TMEM108: variants seen among roughly 807,000 people sequenced by gnomAD.
TMEM108 encodes the protein transmembrane protein 108.
A neutral mutation model predicts 35.1 loss-of-function variants in TMEM108; 12 were observed. The ratio of observed to expected loss-of-function variants is 0.34; its 90% CI spans 0.22 to 0.55. The LOEUF is 0.55. Ranked by LOEUF, TMEM108 falls within the 20% of genes least tolerant of loss-of-function variation. The probability of loss-of-function intolerance (pLI) is 0.89; values close to 1 mark genes in which losing one functional copy is unlikely to be tolerated. For missense variants in TMEM108, 680 were observed against 753.3 expected (o/e 0.90, Z 1.14); for synonymous variants, 287 against 308.6 (o/e 0.93, Z 0.73).
At chr3:133,386,443 G>A in intron 4 of TMEM108, 1 of 1,536,134 alleles carries the variant, frequency 6.5e-7, no homozygotes, top group Non-Finnish European at 8.7e-7. Flanking sequence ...TCACCTGAAA[G>A]CATGCCCTTC....
At position 133,105,276 on chromosome 3, in the gene TMEM108, C is replaced by T. The variant is rs187126193; in HGVS notation, c.-47+59256C>T. Among the ~76,000 whole-genome samples the T allele has an allele frequency of 4.4e-3, 667 of 152,278 alleles. 11 individuals carry two copies. Among genetic ancestry groups the T allele is most frequent in the East Asian group, 0.031 (160 of 5,180 alleles). ...AGCTGGCTGTCAGCGGCAGGTCATT[C>T]TCAGCTTCTAGAGGCTGTCCATGTT... On this transcript the variant is annotated intron_variant, in intron 2 of 5. Transcript: ENST00000321871.
At chr3:133,170,242 CCATAATATTCA>C (rs1945110081) in intron 2 of TMEM108, among the ~76,000 whole-genome samples, 1 of 152,004 alleles carries the variant, frequency 6.6e-6, no homozygotes, top group African/African-American at 2.4e-5. Context: ...ACTAATATTC[CCATAATATTCA>C]CATTGTCCAC....
chr3:133,158,903 G>A (rs898086183), intron 2 of TMEM108, among the ~76,000 whole-genome samples: 3 of 152,184 alleles, frequency 2.0e-5, no homozygotes, highest in African/African-American at 7.2e-5. Context: ...TTGTGAACAG[G>A]TGGCTAACAC....
At chr3:133,087,082 G>A (rs895282051) in intron 2 of TMEM108, among the ~76,000 whole-genome samples, 8 of 152,174 alleles carry the variant, frequency 5.3e-5, no homozygotes, top group African/African-American at 1.7e-4. Flanking sequence ...TCACTCAGGG[G>A]TAGCCACCAG....
chr3:133,345,223 C>G (rs79217000), intron 3 of TMEM108, among the ~76,000 whole-genome samples: 1,936 of 151,812 alleles, frequency 0.013, 45 homozygotes, highest in African/African-American at 0.043. Flanking sequence ...ACATCAAGAT[C>G]AAATGAAGTT....
chr3:133,345,089 A>G (rs1293593017), intron 3 of TMEM108, among the ~76,000 whole-genome samples: 1 of 151,872 alleles, frequency 6.6e-6, no homozygotes, highest in Non-Finnish European at 1.5e-5. Flanking sequence ...AGCTCATGTA[A>G]CCGAGTTTCC....
At chr3:133,278,255 A>G (rs1194621438) in intron 3 of TMEM108, among the ~76,000 whole-genome samples, 1 of 152,260 alleles carries the variant, frequency 6.6e-6, no homozygotes, top group African/African-American at 2.4e-5. Flanking sequence ...TGAACTAGAA[A>G]TCAAAAGACT....
chr3:133,386,924 T>C (rs1483046124), intron 4 of TMEM108: 9 of 792,264 alleles, frequency 1.1e-5, no homozygotes, highest in Non-Finnish European at 1.2e-5. Flanking sequence ...GGAAGAGCAA[T>C]AGTGCCTTCC....
chr3:133,170,219 C>A (rs1450503306), intron 2 of TMEM108, among the ~76,000 whole-genome samples: 1 of 152,124 alleles, frequency 6.6e-6, no homozygotes, highest in Admixed American at 6.5e-5. Context: ...GTTTACATAA[C>A]TGTTATAGAA....
intron 3 of TMEM108, among the ~76,000 whole-genome samples, chr3:133,308,918 A>T (rs1020261718): frequency 8.5e-5 from 13 of 152,178 alleles, no homozygotes; most frequent in Admixed American, 8.5e-4. Context: ...ATTGATTGGA[A>T]TAGTTTCAGA....
At chr3:133,214,271 T>C (rs1425299733) in intron 2 of TMEM108, among the ~76,000 whole-genome samples, 1 of 152,120 alleles carries the variant, frequency 6.6e-6, no homozygotes, top group Admixed American at 6.6e-5. Context: ...ATAATAGGTT[T>C]GATCTTGAGC....
At chr3:133,112,550 C>A (rs1944238530) in intron 2 of TMEM108, among the ~76,000 whole-genome samples, 1 of 152,086 alleles carries the variant, frequency 6.6e-6, no homozygotes, top group African/African-American at 2.4e-5. Flanking sequence ...TCGTCTAGAA[C>A]TGAGAATAAG....
intron 2 of TMEM108, among the ~76,000 whole-genome samples, chr3:133,201,745 G>A (rs1218321743): frequency 1.3e-5 from 2 of 152,120 alleles, no homozygotes. Context: ...GCTGTGAATA[G>A]TGCCGCAGTA....
At chr3:133,244,256 A>G (rs1176962299) in intron 3 of TMEM108, among the ~76,000 whole-genome samples, 2 of 152,256 alleles carry the variant, frequency 1.3e-5, no homozygotes, top group African/African-American at 4.8e-5. Context: ...TATTCTTACC[A>G]TCATCATCAT....
At chr3:133,186,707 C>T (rs946347027) in intron 2 of TMEM108, among the ~76,000 whole-genome samples, 3 of 152,108 alleles carry the variant, frequency 2.0e-5, no homozygotes, top group Non-Finnish European at 2.9e-5. Context: ...TTGATAAAAC[C>T]TTGGCAAAAG....
intron 2 of TMEM108, among the ~76,000 whole-genome samples, chr3:133,110,236 A>G (rs1200430449): frequency 6.6e-6 from 1 of 152,042 alleles, no homozygotes; most frequent in Non-Finnish European, 1.5e-5. Context: ...AGTTGATTTG[A>G]GTGTGGGGGA....
intron 2 of TMEM108, among the ~76,000 whole-genome samples, chr3:133,172,562 G>GT (rs1328048712): frequency 6.6e-6 from 1 of 152,106 alleles, no homozygotes; most frequent in East Asian, 1.9e-4. Flanking sequence ...TTGGGCAGGG[G>GT]TTTTTTTGTG....
chr3:133,236,065 G>A (rs1422936481), intron 3 of TMEM108, among the ~76,000 whole-genome samples: 1 of 152,060 alleles, frequency 6.6e-6, no homozygotes, highest in Non-Finnish European at 1.5e-5. Flanking sequence ...ATGAGAATAT[G>A]ATGTTTTTAC....
At chr3:133,343,935 C>T (rs147536429) in intron 3 of TMEM108, among the ~76,000 whole-genome samples, 32 of 151,802 alleles carry the variant, frequency 2.1e-4, no homozygotes, top group Non-Finnish European at 2.5e-4. Flanking sequence ...CTGCATAGGT[C>T]TACTTATACA....
Sources: gnomAD v4.1 joint callset for allele counts (sites outside exome capture counted in the v4.1 genomes callset) on GRCh38, gnomAD v4.1.1 for gene constraint, MANE v1.5 for transcripts, NCBI Gene and HGNC (gene_info 2026-07-23, HGNC 2026-07-21) for gene names.